HEMK2: variants seen among roughly 807,000 people sequenced by gnomAD.
HEMK2 encodes methyltransferase HEMK2.
the HEMK2 span, among the ~76,000 whole-genome samples, chr21:28,609,912 A>G: frequency 2.6e-5 from 4 of 152,236 alleles, no homozygotes; most frequent in African/African-American, 9.6e-5. Flanking sequence ...AGATTATGCT[A>G]AATGACCAAA....
chr21:28,737,239 C>T, the HEMK2 span, among the ~76,000 whole-genome samples: 8,730 of 152,170 alleles, frequency 0.057, 350 homozygotes, highest in Middle Eastern at 0.11. Flanking sequence ...ATTCTTGGGC[C>T]TCGGCCCCCC....
At chr21:28,836,692 G>T in the HEMK2 span, among the ~76,000 whole-genome samples, 1 of 152,098 alleles carries the variant, frequency 6.6e-6, no homozygotes, top group Non-Finnish European at 1.5e-5. Flanking sequence ...TGATGTAAAT[G>T]CTCCACTTAA....
At chr21:28,577,578 G>A in the HEMK2 span, among the ~76,000 whole-genome samples, 1 of 152,026 alleles carries the variant, frequency 6.6e-6, no homozygotes, top group Non-Finnish European at 1.5e-5. Flanking sequence ...CAAAACCCAA[G>A]ACCCATCCTC....
chr21:28,862,608 C>T, the HEMK2 span, among the ~76,000 whole-genome samples: 3 of 149,594 alleles, frequency 2.0e-5, 1 homozygote, highest in African/African-American at 7.6e-5. Flanking sequence ...CACTGCAGTC[C>T]GCAGTCCGGC....
the HEMK2 span, among the ~76,000 whole-genome samples, chr21:28,818,461 T>C: frequency 6.6e-6 from 1 of 152,116 alleles, no homozygotes; most frequent in African/African-American, 2.4e-5. Flanking sequence ...TGTATATATG[T>C]ATAACCTATT....
chr21:28,881,829 G>T, the HEMK2 span, among the ~76,000 whole-genome samples: 1 of 151,952 alleles, frequency 6.6e-6, no homozygotes, highest in Non-Finnish European at 1.5e-5. Flanking sequence ...GTAGAGACGA[G>T]TTCTCACTAT....
chr21:28,871,586 C>A, the HEMK2 span, among the ~76,000 whole-genome samples: 1 of 152,164 alleles, frequency 6.6e-6, no homozygotes, highest in Admixed American at 6.6e-5. Context: ...TAACTTTGTA[C>A]TCAGCGTATT....
At chr21:28,867,981 G>A in the HEMK2 span, among the ~76,000 whole-genome samples, 7 of 152,174 alleles carry the variant, frequency 4.6e-5, no homozygotes, top group Non-Finnish European at 7.3e-5. Flanking sequence ...TGTGAGGTAA[G>A]AATCTAATTT....
the HEMK2 span, among the ~76,000 whole-genome samples, chr21:28,667,002 T>C: frequency 6.6e-5 from 10 of 152,156 alleles, no homozygotes; most frequent in African/African-American, 2.4e-4. Context: ...CATAAAACTA[T>C]GGCTCAAATG....
At chr21:28,758,751 C>A in the HEMK2 span, among the ~76,000 whole-genome samples, 1 of 152,180 alleles carries the variant, frequency 6.6e-6, no homozygotes, top group African/African-American at 2.4e-5. Context: ...TGTCAAACCT[C>A]CCCATGACAG....
the HEMK2 span, among the ~76,000 whole-genome samples, chr21:28,876,717 CT>C: frequency 6.6e-6 from 1 of 152,100 alleles, no homozygotes; most frequent in Non-Finnish European, 1.5e-5. Flanking sequence ...AAATGGCTTG[CT>C]TTGCAGTCAC....
At chr21:28,771,521 C>A in the HEMK2 span, among the ~76,000 whole-genome samples, 249 of 131,554 alleles carry the variant, frequency 1.9e-3, 10 homozygotes, top group African/African-American at 5.3e-3. Context: ...ATGCACCACC[C>A]CCCCCCGCCA....
At chr21:28,669,116 T>C in the HEMK2 span, among the ~76,000 whole-genome samples, 1 of 152,180 alleles carries the variant, frequency 6.6e-6, no homozygotes. Flanking sequence ...TCCAGCACTT[T>C]GGGAGGCCAA....
At chr21:28,861,626 GTT>G in the HEMK2 span, among the ~76,000 whole-genome samples, 1 of 152,176 alleles carries the variant, frequency 6.6e-6, no homozygotes, top group Non-Finnish European at 1.5e-5. Flanking sequence ...GTCTTACCAT[GTT>G]CCCCATCATC....
chr21:28,745,144 G>A, the HEMK2 span, among the ~76,000 whole-genome samples: 2 of 152,312 alleles, frequency 1.3e-5, no homozygotes. Context: ...TCCAATGACT[G>A]CTGCGAGTGG....
At chr21:28,730,415 CACA>C in the HEMK2 span, among the ~76,000 whole-genome samples, 1 of 102,060 alleles carries the variant, frequency 9.8e-6, no homozygotes, top group Admixed American at 1.2e-4. Context: ...CACACACACA[CACA>C]TTTCTCACAA....
At chr21:28,868,035 A>G in the HEMK2 span, among the ~76,000 whole-genome samples, 36 of 152,122 alleles carry the variant, frequency 2.4e-4, no homozygotes, top group Admixed American at 5.2e-4. Flanking sequence ...GTACTATTCC[A>G]TTTGTTCTGC....
At chr21:28,862,454 AAGGT>A in the HEMK2 span, among the ~76,000 whole-genome samples, 5 of 125,240 alleles carry the variant, frequency 4.0e-5, no homozygotes, top group South Asian at 1.1e-3. Context: ...CCTGGCTAAC[AAGGT>A]GAAACCCCGT....
the HEMK2 span, among the ~76,000 whole-genome samples, chr21:28,635,205 G>A: frequency 1.3e-5 from 2 of 150,682 alleles, no homozygotes; most frequent in African/African-American, 4.9e-5. Context: ...GGTTTCAAGT[G>A]ATTCTCCTGC....
Sources: allele counts gnomAD v4.1 joint callset (sites outside exome capture counted in the v4.1 genomes callset), GRCh38; gene constraint gnomAD v4.1.1; transcripts MANE v1.5; gene names NCBI Gene and HGNC (gene_info 2026-07-23, HGNC 2026-07-21).